Variants in STOM observed in about 807,000 individuals in gnomAD.
The protein encoded by STOM is erythrocyte band 7 integral membrane protein.
Under a neutral mutation model 30.6 loss-of-function variants are expected in STOM, and 25 were observed. The ratio of observed to expected loss-of-function variants is 0.82; its 90% CI spans 0.60 to 1.14. The LOEUF (loss-of-function observed/expected upper bound fraction) is 1.14. Ranked by LOEUF, STOM falls within the 50% of genes most tolerant of loss-of-function variation. The pLI, the probability that STOM is intolerant of heterozygous loss-of-function variation, is 0.00. For missense variants in STOM, 292 were observed against 365.2 expected (o/e 0.80, Z 1.63); for synonymous variants, 118 against 130.8 (o/e 0.90, Z 0.67).
At chr9:121,342,796 T>C (rs2064258495) in intron 6 of STOM, among the ~76,000 whole-genome samples, 1 of 152,226 alleles carries the variant, frequency 6.6e-6, no homozygotes. Context: ...CGATTTAAAA[T>C]GTTTGATGGA....
intron 1 of STOM, among the ~76,000 whole-genome samples, chr9:121,358,316 T>A (rs982255324): frequency 1.3e-4 from 20 of 151,956 alleles, no homozygotes; most frequent in Admixed American, 5.2e-4. Context: ...TAAAAAAAAT[T>A]AGCTGTGTGT....
intron 5 of STOM, 57 bp downstream of exon 5, chr9:121,349,063 G>T: frequency 6.4e-7 from 1 of 1,569,900 alleles, no homozygotes; most frequent in South Asian, 1.1e-5. Flanking sequence ...AACAACCATT[G>T]ACTCTTTGCT....
intron 1 of STOM, among the ~76,000 whole-genome samples, chr9:121,358,813 T>G (rs2064422464): frequency 6.6e-6 from 1 of 152,236 alleles, no homozygotes; most frequent in Admixed American, 6.5e-5. Flanking sequence ...ATCAATTGCC[T>G]AAATTTCCTC....
chr9:121,340,032 TTA>T lies in STOM; in HGVS notation c.*1168_*1169del. 1 of 980,982 alleles carries T rather than the reference TTA, an allele frequency of 1.0e-6. No homozygotes were observed. Among genetic ancestry groups the T allele is most frequent in the Non-Finnish European group, 1.2e-6 (1 of 825,344 alleles). 60.8% of individuals were successfully genotyped at this position (980,982 alleles called of 1,614,324 possible). ...TGAAGTTATCTCTTAAAAAAGTATT[TTA>T]GTCCTTCAGCTATTCAAATAGATAT... On this transcript the variant is annotated 3_prime_UTR_variant, in exon 7 of 7. Coordinates refer to ENST00000286713, the MANE Select transcript of STOM (RefSeq NM_004099.6).
At chr9:121,368,013 T>C (rs2064521891) in intron 1 of STOM, among the ~76,000 whole-genome samples, 1 of 152,216 alleles carries the variant, frequency 6.6e-6, no homozygotes, top group African/African-American at 2.4e-5. Flanking sequence ...GTAGAGCTGT[T>C]ACAGAATGCA....
intron 2 of STOM, among the ~76,000 whole-genome samples, chr9:121,355,724 A>G (rs540222725): frequency 5.4e-4 from 82 of 152,310 alleles, no homozygotes; most frequent in African/African-American, 1.8e-3. Flanking sequence ...AGGTCACACA[A>G]TAAACAGTAA....
chr9:121,341,162 C>A lies in STOM; in HGVS notation c.*40G>T, dbSNP rs772081492. The A allele has an allele frequency of 6.2e-7, 1 of 1,612,668 alleles. No individual in the cohort carries two copies. The highest frequency in any genetic ancestry group is 1.7e-5 in the Admixed American group (1 of 59,978). Reference sequence around the variant, plus strand: ...TTTATGAGTTAAAGGCTAATTTGGTCCCCGACTTCATGCTTGGAAGGCTAG... The same window carrying A: ...TTTATGAGTTAAAGGCTAATTTGGTACCCGACTTCATGCTTGGAAGGCTAG... On this transcript the variant is annotated 3_prime_UTR_variant, in exon 7 of 7. Transcript: ENST00000286713.
At chr9:121,351,966 G>A (rs2064343458) in intron 4 of STOM, among the ~76,000 whole-genome samples, 1 of 152,086 alleles carries the variant, frequency 6.6e-6, no homozygotes, top group Non-Finnish European at 1.5e-5. Flanking sequence ...AACTAATAGG[G>A]TTTTCTATCA....
At chr9:121,351,904 T>C (rs1198112295) in intron 4 of STOM, among the ~76,000 whole-genome samples, 3 of 152,222 alleles carry the variant, frequency 2.0e-5, no homozygotes, top group African/African-American at 7.2e-5. Flanking sequence ...TTTCTAATTC[T>C]TTGGTTTCTA....
intron 6 of STOM, among the ~76,000 whole-genome samples, chr9:121,344,528 C>T (rs1055607209): frequency 7.2e-5 from 11 of 152,230 alleles, no homozygotes; most frequent in Non-Finnish European, 1.6e-4. Context: ...TGTCTAAATA[C>T]AGGCCAAGTA....
intron 4 of STOM, among the ~76,000 whole-genome samples, chr9:121,350,547 C>T (rs997742027): frequency 2.0e-5 from 3 of 152,114 alleles, no homozygotes; most frequent in Non-Finnish European, 2.9e-5. Context: ...GAACAGTGAC[C>T]GATGAGGAAC....
chr9:121,364,301 T>C (rs1381931070), intron 1 of STOM, among the ~76,000 whole-genome samples: 1 of 152,164 alleles, frequency 6.6e-6, no homozygotes, highest in African/African-American at 2.4e-5. Flanking sequence ...TAGCCTGCCT[T>C]TCAAATTAGT....
At chr9:121,352,954 G>A (rs1337256767) in intron 4 of STOM, among the ~76,000 whole-genome samples, 1 of 152,094 alleles carries the variant, frequency 6.6e-6, no homozygotes, top group Non-Finnish European at 1.5e-5. Flanking sequence ...TTAGCCGGGC[G>A]TGGTGGCGCA....
chr9:121,367,136 T>C (rs1317489227), intron 1 of STOM, among the ~76,000 whole-genome samples: 2 of 152,162 alleles, frequency 1.3e-5, no homozygotes, highest in Non-Finnish European at 2.9e-5. Context: ...CTGATAAATA[T>C]GTTATGTAAT....
intron 1 of STOM, chr9:121,366,014 ACCATCCTTCATAC>A: frequency 1.5e-6 from 1 of 651,426 alleles, no homozygotes; most frequent in South Asian, 6.8e-5. Context: ...ATGTTCTTGG[ACCATCCTTCATAC>A]AAATCTCTTA....
Position 121,348,020 on chromosome 9 carries a change from C to A in STOM, c.655G>T (p.Ala219Ser). ...AAGTTTAAAAAAAAAGTTACCTTGG[C>A]GCGGGCCTCGCGGGACGCTTCTGCT... ...AEAEASREARAKVIAAEGEMN... is the reference protein window; with the variant it reads ...AEAEASREARSKVIAAEGEMN... Residue 219 changes from alanine (A) to serine (S), a missense_variant, in exon 6 of 7, where the codon GCC becomes TCC. Physicochemically the swap from Ala to Ser is moderately conservative, Grantham distance 99. Coordinates refer to ENST00000286713, the MANE Select transcript of STOM (RefSeq NM_004099.6). 6.2e-7 allele frequency: 1 copy of A among 1,611,838 alleles called. No homozygotes were observed. The highest frequency in any genetic ancestry group is 8.5e-7 in the Non-Finnish European group (1 of 1,178,882).
intron 1 of STOM, among the ~76,000 whole-genome samples, chr9:121,368,900 C>T (rs563075458): frequency 6.6e-6 from 1 of 150,966 alleles, no homozygotes; most frequent in East Asian, 2.0e-4. Context: ...AGATCACACT[C>T]CAGCCTGGGC....
chr9:121,368,585 G>T (rs2064527962), intron 1 of STOM, among the ~76,000 whole-genome samples: 1 of 151,800 alleles, frequency 6.6e-6, no homozygotes, highest in Admixed American at 6.6e-5. Context: ...TATAATATGG[G>T]GATAAGAATA....
At chr9:121,369,126 A>G (rs2064535645) in intron 1 of STOM, among the ~76,000 whole-genome samples, 3 of 152,190 alleles carry the variant, frequency 2.0e-5, no homozygotes, top group Admixed American at 2.0e-4. Flanking sequence ...GAAGGAACTG[A>G]ACACAGGGAT....
Sources: allele counts gnomAD v4.1 joint callset (sites outside exome capture counted in the v4.1 genomes callset), GRCh38; gene constraint gnomAD v4.1.1; transcripts MANE v1.5; gene names NCBI Gene and HGNC (gene_info 2026-07-23, HGNC 2026-07-21).